The following CNTNAP2 variants were observed in gnomAD, a reference collection of about 807,000 sequenced individuals.
CNTNAP2 encodes the protein contactin associated protein 2, also known as contactin-associated protein-like 2.
CNTNAP2 carries 98 observed loss-of-function variants against 155.2 expected under a neutral mutation model. That is an observed-to-expected ratio of 0.63 (90% CI 0.54 to 0.75). The LOEUF (loss-of-function observed/expected upper bound fraction) is 0.75. CNTNAP2 is among the 30% of genes least tolerant of loss of function. CNTNAP2 has a pLI of 0.00. For missense variants in CNTNAP2, 1,727 were observed against 1,688.1 expected, an observed-to-expected ratio of 1.02 and a Z score of -0.40; for synonymous variants, 651 against 631.2, an observed-to-expected ratio of 1.03 and a Z score of -0.47.
At chr7:147,896,483 G>T (rs565654492) in intron 13 of CNTNAP2, among the ~76,000 whole-genome samples, 71 of 152,140 alleles carry the variant, frequency 4.7e-4, no homozygotes, top group Non-Finnish European at 8.4e-4. Context: ...CAAGCATTTG[G>T]GGATCAGAGT....
intron 21 of CNTNAP2, among the ~76,000 whole-genome samples, chr7:148,373,594 C>T (rs780485640): frequency 5.3e-5 from 8 of 152,196 alleles, no homozygotes; most frequent in South Asian, 2.1e-4. Context: ...TCATCCTTGA[C>T]CAAAGCATCA....
chr7:147,021,015 T>C (rs754171421), intron 3 of CNTNAP2, among the ~76,000 whole-genome samples: 13 of 152,110 alleles, frequency 8.5e-5, no homozygotes, highest in Non-Finnish European at 1.5e-4. Flanking sequence ...GATGCATGCT[T>C]TTGATAAAAA....
At chr7:148,061,992 TAGATAGATAGATAGATGATAG>T (rs1563185539) in intron 15 of CNTNAP2, among the ~76,000 whole-genome samples, 21 of 127,572 alleles carry the variant, frequency 1.6e-4, no homozygotes, top group African/African-American at 7.2e-4. Flanking sequence ...GATAGATAGA[TAGATAGATAGATAGATGATAG>T]AGAGAGAGAG....
intron 1 of CNTNAP2, among the ~76,000 whole-genome samples, chr7:146,587,302 C>T (rs930224154): frequency 2.6e-5 from 4 of 152,104 alleles, no homozygotes; most frequent in Non-Finnish European, 5.9e-5. Flanking sequence ...CTGTCAGCTC[C>T]TTGGAGGTAC....
At chr7:147,531,258 C>T (rs541055489) in intron 11 of CNTNAP2, among the ~76,000 whole-genome samples, 72 of 152,318 alleles carry the variant, frequency 4.7e-4, no homozygotes, top group Middle Eastern at 6.8e-3. Context: ...CCTCTTCTTA[C>T]AGCTCCACTA....
rs142336958 is a variant in CNTNAP2 at position 146,394,962 on chromosome 7, C to G, written c.97+277989C>G. On this transcript the variant is annotated intron_variant, in intron 1 of 23. Transcript: ENST00000361727. ...ATGATCATGTGTACACATTATTTTG[C>G]TACCACTCATAAGTGAGAGCATGTG... is the stretch of plus-strand genomic sequence containing the variant. Among the ~76,000 whole-genome samples, 591 of 152,246 alleles carry G rather than the reference C, an allele frequency of 3.9e-3. 5 individuals are homozygous for G. The highest frequency in any genetic ancestry group is 0.014 in the African/African-American group (563 of 41,542).
chr7:146,320,951 T>C (rs1314653440), intron 1 of CNTNAP2, among the ~76,000 whole-genome samples: 2 of 152,040 alleles, frequency 1.3e-5, no homozygotes, highest in Non-Finnish European at 2.9e-5. Context: ...CAGATATCAG[T>C]TAAGGGCTAT....
chr7:146,166,382 C>A (rs1285392392), intron 1 of CNTNAP2, among the ~76,000 whole-genome samples: 1 of 152,076 alleles, frequency 6.6e-6, no homozygotes, highest in Non-Finnish European at 1.5e-5. Context: ...CGTGAGCCAC[C>A]ACACCTGGCC....
intron 1 of CNTNAP2, among the ~76,000 whole-genome samples, chr7:146,629,436 TATC>T (rs1186722789): frequency 2.0e-5 from 3 of 152,190 alleles, no homozygotes; most frequent in African/African-American, 7.2e-5. Flanking sequence ...ATCAAAAATA[TATC>T]ATTTTTTAAA....
chr7:148,206,001 T>A (rs10257606), intron 18 of CNTNAP2, among the ~76,000 whole-genome samples: 115,100 of 150,756 alleles, frequency 0.76, 44,671 homozygotes, highest in Non-Finnish European at 0.83. Flanking sequence ...ATGAAAAAAA[T>A]ATATATATGC....
At chr7:148,202,403 A>G (rs1795382375) in intron 18 of CNTNAP2, among the ~76,000 whole-genome samples, 1 of 152,236 alleles carries the variant, frequency 6.6e-6, no homozygotes, top group Non-Finnish European at 1.5e-5. Flanking sequence ...AATCACACAC[A>G]CGCATTTTCC....
chr7:148,138,637 A>T (rs1262725255), intron 16 of CNTNAP2, among the ~76,000 whole-genome samples: 2 of 152,152 alleles, frequency 1.3e-5, no homozygotes, highest in African/African-American at 2.4e-5. Context: ...CTTAGGTATG[A>T]GTTTCAGAGT....
chr7:146,566,795 T>G (rs1288727417), intron 1 of CNTNAP2, among the ~76,000 whole-genome samples: 1 of 152,164 alleles, frequency 6.6e-6, no homozygotes, highest in Non-Finnish European at 1.5e-5. Flanking sequence ...ATTATAACCC[T>G]TCCTCCTGCA....
intron 10 of CNTNAP2, among the ~76,000 whole-genome samples, chr7:147,411,948 A>G (rs959922135): frequency 6.6e-6 from 1 of 152,220 alleles, no homozygotes. Context: ...TATTTGATGC[A>G]GCATTTATCT....
chr7:146,772,163 T>A (rs1802303874), intron 1 of CNTNAP2, among the ~76,000 whole-genome samples: 1 of 151,896 alleles, frequency 6.6e-6, no homozygotes, highest in Non-Finnish European at 1.5e-5. Context: ...AACAATTAAA[T>A]GAGTAACAAC....
At chr7:146,874,597 C>G (rs1795382613) in intron 3 of CNTNAP2, among the ~76,000 whole-genome samples, 1 of 152,146 alleles carries the variant, frequency 6.6e-6, no homozygotes, top group African/African-American at 2.4e-5. Context: ...CCGTGGCCTC[C>G]CAAAGTGCTG....
intron 3 of CNTNAP2, among the ~76,000 whole-genome samples, chr7:146,862,909 G>A (rs370722870): frequency 6.6e-6 from 1 of 152,286 alleles, no homozygotes; most frequent in African/African-American, 2.4e-5. Context: ...AACAGATTCA[G>A]TAATAAACCA....
At chr7:147,184,725 AAGG>A (rs1802529275) in intron 8 of CNTNAP2, among the ~76,000 whole-genome samples, 1 of 152,188 alleles carries the variant, frequency 6.6e-6, no homozygotes, top group Admixed American at 6.5e-5. Flanking sequence ...GAGAAGTTGG[AAGG>A]AGAAGAAAGA....
intron 9 of CNTNAP2, among the ~76,000 whole-genome samples, chr7:147,362,711 C>T (rs1311180935): frequency 2.6e-5 from 4 of 151,994 alleles, no homozygotes; most frequent in African/African-American, 9.7e-5. Flanking sequence ...CCTTCAAAAA[C>T]GTCATAAAAC....
Sources: gnomAD v4.1 joint callset for allele counts (sites outside exome capture counted in the v4.1 genomes callset) on GRCh38, gnomAD v4.1.1 for gene constraint, MANE v1.5 for transcripts, NCBI Gene and HGNC (gene_info 2026-07-23, HGNC 2026-07-21) for gene names.